PDE11A: variants seen among roughly 807,000 people sequenced by gnomAD.
The protein encoded by PDE11A is phosphodiesterase 11A.
PDE11A carries 100 observed loss-of-function variants against 100.5 expected under a neutral mutation model. The observed-to-expected ratio is 1.00, with a 90% confidence interval of 0.85 to 1.18. PDE11A has a LOEUF of 1.18. Among genes scored for constraint, PDE11A ranks in the 50% most tolerant of loss-of-function variants. PDE11A has a pLI of 0.00. For synonymous variants in PDE11A, 381 were observed against 420.8 expected, an observed-to-expected ratio of 0.91 and a Z score of 1.16; for missense variants, 1,141 against 1,152.6, an observed-to-expected ratio of 0.99 and a Z score of 0.15.
intron 14 of PDE11A, among the ~76,000 whole-genome samples, chr2:177,700,256 C>T (rs868063222): frequency 2.6e-5 from 4 of 152,012 alleles, no homozygotes; most frequent in African/African-American, 7.3e-5. Context: ...CATGCTTTCT[C>T]AAGATAGGCT....
intron 19 of PDE11A, among the ~76,000 whole-genome samples, chr2:177,631,299 A>G (rs7565179): frequency 1.1e-4 from 3 of 26,708 alleles, no homozygotes; most frequent in Non-Finnish European, 2.0e-4. Context: ...TGCAAAAAAA[A>G]AAAAAAAAAA....
chr2:178,099,220 T>C (rs1422008798), intron 2 of PDE11A, among the ~76,000 whole-genome samples: 1 of 151,898 alleles, frequency 6.6e-6, no homozygotes, highest in East Asian at 1.9e-4. Context: ...GAGGCCAGGA[T>C]TTCGAGATCA....
At chr2:177,629,835 T>C (rs1024960469) in intron 19 of PDE11A, among the ~76,000 whole-genome samples, 3 of 152,170 alleles carry the variant, frequency 2.0e-5, no homozygotes, top group Admixed American at 2.0e-4. Flanking sequence ...TAGACTCAAA[T>C]CCTGTTTTAC....
intron 1 of PDE11A, among the ~76,000 whole-genome samples, chr2:178,031,985 T>C (rs2086554147): frequency 6.6e-6 from 1 of 152,122 alleles, no homozygotes; most frequent in Non-Finnish European, 1.5e-5. Flanking sequence ...CATAGATTAA[T>C]AGACCAACAG....
At chr2:177,866,864 G>A (rs1558981604) in intron 5 of PDE11A, among the ~76,000 whole-genome samples, 3 of 152,206 alleles carry the variant, frequency 2.0e-5, no homozygotes, top group Non-Finnish European at 1.5e-5. Context: ...ACTGACTGAG[G>A]CCACAAACAC....
intron 10 of PDE11A, among the ~76,000 whole-genome samples, chr2:177,745,958 C>G (rs1437164841): frequency 6.6e-6 from 1 of 152,184 alleles, no homozygotes; most frequent in Non-Finnish European, 1.5e-5. Context: ...GTGAACCCCA[C>G]TGCTTACCTG....
chr2:177,809,810 G>A (rs2082922079), intron 9 of PDE11A, among the ~76,000 whole-genome samples: 1 of 152,172 alleles, frequency 6.6e-6, no homozygotes. Flanking sequence ...CAGGAGTGGG[G>A]ATGATTGATT....
intron 10 of PDE11A, among the ~76,000 whole-genome samples, chr2:177,734,508 T>TA (rs1198372072): frequency 1.3e-5 from 2 of 151,866 alleles, no homozygotes; most frequent in Non-Finnish European, 2.9e-5. Flanking sequence ...CCCCATCTCT[T>TA]AAAAAAAAGT....
intron 4 of PDE11A, among the ~76,000 whole-genome samples, chr2:177,892,259 T>C (rs1218181793): frequency 6.6e-6 from 1 of 152,218 alleles, no homozygotes; most frequent in Non-Finnish European, 1.5e-5. Flanking sequence ...TATAAAATTA[T>C]ATTTTTATAG....
chr2:177,785,516 G>A (rs907173554), intron 9 of PDE11A, among the ~76,000 whole-genome samples: 1 of 152,190 alleles, frequency 6.6e-6, no homozygotes, highest in Non-Finnish European at 1.5e-5. Context: ...TCTCACTAGG[G>A]AGTGCCAGAC....
chr2:178,104,365 G>A (rs773216763), exon 2 of PDE11A: 2 of 1,613,946 alleles, frequency 1.2e-6, no homozygotes, highest in Non-Finnish European at 8.5e-7. Flanking sequence ...CAGCCAAAGA[G>A]GCCCCAGAGA....
At chr2:177,637,894 T>TATATACAC (rs1559120516) in intron 19 of PDE11A, among the ~76,000 whole-genome samples, 12 of 80,936 alleles carry the variant, frequency 1.5e-4, no homozygotes, top group East Asian at 4.0e-4. Context: ...TATACATATA[T>TATATACAC]ATATATACAT....
At chr2:178,062,605 C>G (rs553968812) in intron 1 of PDE11A, among the ~76,000 whole-genome samples, 1 of 152,122 alleles carries the variant, frequency 6.6e-6, no homozygotes, top group Admixed American at 6.5e-5. Context: ...TTCTTAATGC[C>G]ATTACAGCTG....
chr2:178,007,609 T>TA (rs1361992671), intron 2 of PDE11A, among the ~76,000 whole-genome samples: 1 of 152,234 alleles, frequency 6.6e-6, no homozygotes, highest in Admixed American at 6.5e-5. Context: ...ACTGAAGTCT[T>TA]AATGATCAAA....
chr2:177,900,475 G>C (rs979797704), intron 3 of PDE11A, among the ~76,000 whole-genome samples: 8 of 152,356 alleles, frequency 5.3e-5, no homozygotes, highest in African/African-American at 1.9e-4. Context: ...CATTTGAGTA[G>C]CTGGGTGTGG....
intron 17 of PDE11A, among the ~76,000 whole-genome samples, chr2:177,674,012 A>T (rs1002485889): frequency 1.3e-5 from 2 of 152,164 alleles, no homozygotes. Flanking sequence ...GTTTAAAGCC[A>T]CTAAGATCTT....
At chr2:177,850,516 G>C (rs1161093204) in intron 5 of PDE11A, among the ~76,000 whole-genome samples, 1 of 152,126 alleles carries the variant, frequency 6.6e-6, no homozygotes, top group African/African-American at 2.4e-5. Context: ...AATGGCGACA[G>C]AAGCCAAAAT....
chr2:177,809,383 T>A (rs1324051254), intron 9 of PDE11A, among the ~76,000 whole-genome samples: 1 of 152,140 alleles, frequency 6.6e-6, no homozygotes, highest in Non-Finnish European at 1.5e-5. Context: ...AGGGTCAGGA[T>A]GGGCCAGTGG....
Position 177,795,973 on chromosome 2 carries a change from A to C in PDE11A, c.1737+20856T>G, listed in dbSNP as rs1026947973. Among the ~76,000 whole-genome samples, 49 of 129,402 alleles carry C rather than the reference A, an allele frequency of 3.8e-4. 2 individuals carry two copies. Among genetic ancestry groups the C allele is most frequent in the Admixed American group, 2.6e-3 (34 of 12,976 alleles). 84.9% of individuals were successfully genotyped at this position (129,402 alleles called of 152,430 possible). On this transcript the variant is annotated intron_variant, in intron 9 of 19. Coordinates refer to ENST00000286063, the MANE Select transcript of PDE11A (RefSeq NM_016953.4). ...TATATATATATATATATATATATAT[A>C]TATCTTTGCTTTAAGATGCCAGTAT...
Sources: allele counts gnomAD v4.1 joint callset (sites outside exome capture counted in the v4.1 genomes callset), GRCh38; gene constraint gnomAD v4.1.1; transcripts MANE v1.5; gene names NCBI Gene and HGNC (gene_info 2026-07-23, HGNC 2026-07-21).